The following STK32B variants were observed in gnomAD, a reference collection of about 807,000 sequenced individuals.
STK32B encodes the protein serine/threonine-protein kinase 32B.
A neutral mutation model predicts 52.6 loss-of-function variants in STK32B; 43 were observed. The ratio of observed to expected loss-of-function variants is 0.82; its 90% CI spans 0.64 to 1.05. STK32B has a LOEUF of 1.05. Among genes scored for constraint, STK32B ranks in the 50% least tolerant of loss-of-function variants. The pLI is 0.00. For synonymous variants in STK32B, 238 were observed against 204.3 expected (o/e 1.17, Z -1.41); for missense variants, 621 against 534.6 (o/e 1.16, Z -1.59).
At chr4:5,201,145 T>G (rs1722104682) in intron 3 of STK32B, among the ~76,000 whole-genome samples, 1 of 152,220 alleles carries the variant, frequency 6.6e-6, no homozygotes, top group South Asian at 2.1e-4. Context: ...TCCTTTGTTT[T>G]GGGAGATGTG....
intron 11 of STK32B, among the ~76,000 whole-genome samples, chr4:5,473,848 T>G (rs1218409025): frequency 6.6e-6 from 1 of 152,066 alleles, no homozygotes; most frequent in Non-Finnish European, 1.5e-5. Flanking sequence ...GACACGGTGG[T>G]TCACACCTGT....
intron 3 of STK32B, among the ~76,000 whole-genome samples, chr4:5,232,802 C>A (rs1425326054): frequency 6.6e-6 from 1 of 152,194 alleles, no homozygotes; most frequent in African/African-American, 2.4e-5. Flanking sequence ...TCCTTCCTGC[C>A]CTGTGCCCCA....
At chr4:5,260,888 T>C (rs1446772743) in intron 3 of STK32B, among the ~76,000 whole-genome samples, 1 of 152,052 alleles carries the variant, frequency 6.6e-6, no homozygotes, top group African/African-American at 2.4e-5. Flanking sequence ...CTTGGTGCAG[T>C]CTCAGTGAGG....
chr4:5,472,229 C>T (rs1010598002), intron 11 of STK32B, among the ~76,000 whole-genome samples: 2 of 152,218 alleles, frequency 1.3e-5, no homozygotes, highest in Admixed American at 1.3e-4. Flanking sequence ...TCAGGATGCC[C>T]ATAGCCTGCA....
At chr4:5,368,065 T>C (rs995358471) in intron 4 of STK32B, among the ~76,000 whole-genome samples, 1 of 152,160 alleles carries the variant, frequency 6.6e-6, no homozygotes, top group African/African-American at 2.4e-5. Flanking sequence ...CTGGGTTTCT[T>C]GCATCTCTAA....
At chr4:5,184,968 C>T (rs1419419355) in intron 3 of STK32B, among the ~76,000 whole-genome samples, 2 of 152,218 alleles carry the variant, frequency 1.3e-5, no homozygotes, top group African/African-American at 4.8e-5. Flanking sequence ...TGAGGCTGGC[C>T]TCTGGCTGGT....
chr4:5,160,442 T>C (rs1016280572), intron 2 of STK32B, among the ~76,000 whole-genome samples: 1 of 152,266 alleles, frequency 6.6e-6, no homozygotes, highest in Middle Eastern at 3.4e-3. Context: ...GGCTGTGCCC[T>C]CTCCTGGTAA....
intron 4 of STK32B, among the ~76,000 whole-genome samples, chr4:5,374,886 G>T (rs575365961): frequency 2.0e-5 from 3 of 152,308 alleles, no homozygotes; most frequent in African/African-American, 7.2e-5. Context: ...CCTGCCAAGG[G>T]TGCCTGACAA....
intron 11 of STK32B, among the ~76,000 whole-genome samples, chr4:5,498,515 A>C (rs1428647459): frequency 1.3e-5 from 2 of 152,200 alleles, no homozygotes; most frequent in Non-Finnish European, 2.9e-5. Flanking sequence ...CCCTGCTCCT[A>C]GGCATGGTGG....
chr4:5,092,605 C>G (rs1216016352), intron 1 of STK32B, among the ~76,000 whole-genome samples: 2 of 152,034 alleles, frequency 1.3e-5, no homozygotes, highest in Admixed American at 6.5e-5. Context: ...TTAATTGGCT[C>G]ACGGTTCTGC....
rs112755866 is a variant in STK32B, at chr4:5,134,913, G to A, written c.53-4992G>A. ...CCATCTTGAAAGTTCACTCTTGGCT[G>A]TTTGAATAAACAGCTTCATGAATAT... On this transcript the variant is annotated intron_variant, in intron 1 of 11. Transcript: ENST00000282908. Among the ~76,000 whole-genome samples the A allele has an allele frequency of 1.4e-3, 214 of 152,352 alleles. 1 individual carries two copies. Among genetic ancestry groups the A allele is most frequent in the African/African-American group, 5.0e-3 (206 of 41,590 alleles).
chr4:5,264,561 C>T (rs896179112), intron 3 of STK32B, among the ~76,000 whole-genome samples: 7 of 151,676 alleles, frequency 4.6e-5, no homozygotes, highest in African/African-American at 9.7e-5. Flanking sequence ...CTGAGGCGGG[C>T]GGATCACGAG....
At chr4:5,448,260 T>C (rs762235079) in intron 7 of STK32B, among the ~76,000 whole-genome samples, 1 of 152,220 alleles carries the variant, frequency 6.6e-6, no homozygotes, top group African/African-American at 2.4e-5. Context: ...ATGAAAAGAA[T>C]TAATGTCCCG....
intron 3 of STK32B, among the ~76,000 whole-genome samples, chr4:5,241,353 A>G (rs1031914261): frequency 1.3e-5 from 2 of 152,140 alleles, no homozygotes; most frequent in African/African-American, 4.8e-5. Flanking sequence ...TTCGTTTACA[A>G]AAACTTATGT....
At chr4:5,233,024 G>T (rs1342974079) in intron 3 of STK32B, among the ~76,000 whole-genome samples, 4 of 152,174 alleles carry the variant, frequency 2.6e-5, no homozygotes, top group African/African-American at 9.7e-5. Context: ...TGTGCTACTT[G>T]TGGTTTCCCT....
chr4:5,160,013 T>G (rs1718313519), intron 2 of STK32B, among the ~76,000 whole-genome samples: 2 of 151,990 alleles, frequency 1.3e-5, no homozygotes, highest in Non-Finnish European at 2.9e-5. Flanking sequence ...TTGGAGGAAG[T>G]CCATCCATAT....
chr4:5,328,012 G>A lies in STK32B; in HGVS notation c.261-3208G>A, dbSNP rs150681399. Among the ~76,000 whole-genome samples, 147 of 152,298 alleles carry A rather than the reference G, an allele frequency of 9.7e-4. 1 individual carries two copies. Among genetic ancestry groups the A allele is most frequent in the African/African-American group, 3.1e-3 (127 of 41,558 alleles). On this transcript the variant is annotated intron_variant, in intron 3 of 11. Coordinates refer to ENST00000282908, the MANE Select transcript of STK32B (RefSeq NM_018401.3). ...GCTTCACCTTGTGCTTTTATGTTCT[G>A]GAGATGGCGTCTTTTCTTTAACCTC...
chr4:5,242,820 T>C (rs1725132866), intron 3 of STK32B, among the ~76,000 whole-genome samples: 1 of 152,212 alleles, frequency 6.6e-6, no homozygotes, highest in Non-Finnish European at 1.5e-5. Flanking sequence ...CCCAGCACCA[T>C]TTATTAAATA....
chr4:5,322,147 A>C (rs1412262387), intron 3 of STK32B, among the ~76,000 whole-genome samples: 1 of 152,132 alleles, frequency 6.6e-6, no homozygotes, highest in Non-Finnish European at 1.5e-5. Flanking sequence ...CAGCCTGGGC[A>C]ACACAGCAAG....
Sources: allele counts gnomAD v4.1 joint callset (sites outside exome capture counted in the v4.1 genomes callset), GRCh38; gene constraint gnomAD v4.1.1; transcripts MANE v1.5; gene names NCBI Gene and HGNC (gene_info 2026-07-23, HGNC 2026-07-21).